GPC5: variants seen among roughly 807,000 people sequenced by gnomAD.
The protein encoded by GPC5 is glypican-5.
Under a neutral mutation model 53.9 loss-of-function variants are expected in GPC5, and 47 were observed. The observed-to-expected ratio is 0.87, with a 90% CI of 0.69 to 1.11. The LOEUF is 1.11. Among genes scored for constraint, GPC5 ranks in the 50% most tolerant of loss-of-function variants. GPC5 has a pLI of 0.00. For synonymous variants in GPC5, 286 were observed against 263.3 expected, an observed-to-expected ratio of 1.09 and a Z score of -0.84; for missense variants, 748 against 713.1, an observed-to-expected ratio of 1.05 and a Z score of -0.56.
chr13:92,180,400 T>A (rs970845739), intron 7 of GPC5, among the ~76,000 whole-genome samples: 1 of 152,194 alleles, frequency 6.6e-6, no homozygotes, highest in African/African-American at 2.4e-5. Flanking sequence ...TTAAGCTGGA[T>A]TTTCTCTTTG....
At chr13:92,175,452 A>T (rs2042102836) in intron 7 of GPC5, among the ~76,000 whole-genome samples, 1 of 152,202 alleles carries the variant, frequency 6.6e-6, no homozygotes, top group East Asian at 1.9e-4. Context: ...GTTGAAGAAC[A>T]TTTGAATAGG....
chr13:92,041,699 C>A (rs933782803), intron 6 of GPC5, among the ~76,000 whole-genome samples: 1 of 152,138 alleles, frequency 6.6e-6, no homozygotes, highest in Admixed American at 6.5e-5. Context: ...TTTATTCATC[C>A]ACTGCTATGG....
chr13:91,961,088 A>G (rs1420700021), intron 6 of GPC5, among the ~76,000 whole-genome samples: 2 of 151,976 alleles, frequency 1.3e-5, no homozygotes, highest in Non-Finnish European at 2.9e-5. Context: ...AAAGGAAACA[A>G]TGAACAGAGT....
chr13:92,639,281 C>T (rs1236549305), intron 7 of GPC5, among the ~76,000 whole-genome samples: 1 of 152,152 alleles, frequency 6.6e-6, no homozygotes, highest in Non-Finnish European at 1.5e-5. Flanking sequence ...TCTCATAATG[C>T]TGTCCTTTAA....
intron 7 of GPC5, among the ~76,000 whole-genome samples, chr13:92,729,141 T>G (rs765571277): frequency 2.0e-5 from 3 of 151,320 alleles, no homozygotes; most frequent in Non-Finnish European, 4.4e-5. Flanking sequence ...CAAAGCATCC[T>G]TACAGGCTAC....
chr13:91,828,893 A>G (rs1317605622), intron 5 of GPC5, among the ~76,000 whole-genome samples: 4 of 152,008 alleles, frequency 2.6e-5, no homozygotes, highest in Non-Finnish European at 4.4e-5. Context: ...AATTGTAGGT[A>G]TAATAATAAT....
rs1213422691 is a variant in GPC5, at chr13:91,693,279, T to G, written c.418T>G (p.Ser140Ala). ...YRNMALEAAASVQEFFTDVGL... is the reference protein window; with the variant it reads ...YRNMALEAAAAVQEFFTDVGL... ...GAACATGGCCTTGGAGGCTGCTGCTTCGGTTCAGGAGTTCTTCACTGATGT... is the reference window on the plus strand; with the variant it reads ...GAACATGGCCTTGGAGGCTGCTGCTGCGGTTCAGGAGTTCTTCACTGATGT... The change falls in exon 3 of 8, where the codon TCG (serine) becomes GCG (alanine). Residue 140 changes from serine to alanine, a missense_variant. By Grantham distance (99) the Ser-to-Ala change is moderately conservative (BLOSUM62 1). Transcript: ENST00000377067. 6.2e-7 allele frequency: 1 copy of G among 1,614,020 alleles called. No individual in the cohort carries two copies. Among genetic ancestry groups the G allele is most frequent in the Admixed American group, 1.7e-5 (1 of 59,992 alleles).
chr13:91,537,222 A>G (rs1343775384), intron 2 of GPC5, among the ~76,000 whole-genome samples: 1 of 152,186 alleles, frequency 6.6e-6, no homozygotes, highest in Non-Finnish European at 1.5e-5. Flanking sequence ...AACAGAGAAT[A>G]GAAAAAGAAT....
chr13:92,149,942 T>C (rs1451887465), intron 7 of GPC5, among the ~76,000 whole-genome samples: 2 of 152,048 alleles, frequency 1.3e-5, no homozygotes, highest in Non-Finnish European at 2.9e-5. Context: ...TTATACTATA[T>C]GATTATACTT....
At chr13:91,512,555 G>A (rs890208896) in intron 2 of GPC5, among the ~76,000 whole-genome samples, 1 of 152,224 alleles carries the variant, frequency 6.6e-6, no homozygotes, top group East Asian at 1.9e-4. Flanking sequence ...CAAAGGCCCT[G>A]CACACCTCGA....
intron 2 of GPC5, among the ~76,000 whole-genome samples, chr13:91,534,123 C>T (rs1440787843): frequency 1.3e-5 from 2 of 151,858 alleles, no homozygotes; most frequent in Admixed American, 6.6e-5. Context: ...ACCTAAGGTT[C>T]GGATATTTCA....
At chr13:91,783,845 A>G (rs1476334403) in intron 5 of GPC5, among the ~76,000 whole-genome samples, 5 of 152,218 alleles carry the variant, frequency 3.3e-5, no homozygotes, top group Non-Finnish European at 5.9e-5. Context: ...GCATGTCTCT[A>G]TATCAGTGAT....
intron 7 of GPC5, among the ~76,000 whole-genome samples, chr13:92,647,152 G>A (rs1409939545): frequency 2.0e-5 from 3 of 151,990 alleles, no homozygotes; most frequent in African/African-American, 4.8e-5. Context: ...TCAGCCTAAT[G>A]TTGGATATAA....
chr13:92,812,823 T>A lies in GPC5; in HGVS notation c.1562-53459T>A, dbSNP rs1173937380. On this transcript the variant is annotated intron_variant, in intron 7 of 7. Coordinates refer to ENST00000377067, the MANE Select transcript of GPC5 (RefSeq NM_004466.6). The stretch of plus-strand genomic sequence containing the variant: ...CTCTATACACTTGTAATGAATGCCA[T>A]GAGAAGAAAATTAAGATTTTTATTT... Among the ~76,000 whole-genome samples the A allele has an allele frequency of 9.9e-5, 15 of 151,890 alleles. 1 individual carries two copies. Among genetic ancestry groups the A allele is most frequent in the Admixed American group, 7.2e-4 (11 of 15,250 alleles).
chr13:91,867,108 G>A (rs547788224), intron 5 of GPC5, among the ~76,000 whole-genome samples: 8 of 152,290 alleles, frequency 5.3e-5, no homozygotes, highest in South Asian at 2.1e-4. Context: ...CCAGCTAGTC[G>A]GGAGGCTGAG....
chr13:92,018,242 A>T (rs1272412259), intron 6 of GPC5, among the ~76,000 whole-genome samples: 1 of 152,178 alleles, frequency 6.6e-6, no homozygotes, highest in Non-Finnish European at 1.5e-5. Flanking sequence ...TTCAGCATCC[A>T]ATTAGTATAT....
intron 7 of GPC5, among the ~76,000 whole-genome samples, chr13:92,725,617 A>G (rs1888623373): frequency 6.6e-6 from 1 of 151,604 alleles, no homozygotes; most frequent in African/African-American, 2.4e-5. Context: ...TTAATAATCC[A>G]AAATGCAACT....
At chr13:92,650,551 G>T (rs1423172567) in intron 7 of GPC5, among the ~76,000 whole-genome samples, 1 of 152,050 alleles carries the variant, frequency 6.6e-6, no homozygotes, top group Non-Finnish European at 1.5e-5. Flanking sequence ...GTTCTATGAT[G>T]GAAACACAGT....
At chr13:92,238,158 TTTAC>T (rs1341767474) in intron 7 of GPC5, among the ~76,000 whole-genome samples, 1 of 152,024 alleles carries the variant, frequency 6.6e-6, no homozygotes, top group Non-Finnish European at 1.5e-5. Flanking sequence ...TAGACATGTT[TTTAC>T]TTCTCTTGAT....
Sources: allele counts gnomAD v4.1 joint callset (sites outside exome capture counted in the v4.1 genomes callset), GRCh38; gene constraint gnomAD v4.1.1; transcripts MANE v1.5; gene names NCBI Gene and HGNC (gene_info 2026-07-23, HGNC 2026-07-21).